DTNB: variants seen among roughly 807,000 people sequenced by gnomAD.
The protein encoded by DTNB is DTN-B.
DTNB carries 63 observed loss-of-function variants against 90.7 expected under a neutral mutation model. That is an observed-to-expected ratio of 0.69 (90% CI 0.57 to 0.86). DTNB has a LOEUF of 0.86. Among genes scored for constraint, DTNB ranks in the 40% least tolerant of loss-of-function variants. DTNB has a pLI of 0.00. For missense variants in DTNB, 744 were observed against 807.1 expected, an observed-to-expected ratio of 0.92 and a Z score of 0.95; for synonymous variants, 277 against 286.7, an observed-to-expected ratio of 0.97 and a Z score of 0.34.
intron 12 of DTNB, among the ~76,000 whole-genome samples, chr2:25,439,866 A>T (rs1258375850): frequency 6.6e-6 from 1 of 152,224 alleles, no homozygotes; most frequent in Non-Finnish European, 1.5e-5. Flanking sequence ...TGTATCTAAT[A>T]AACTTATTAT....
chr2:25,397,180 C>T lies in DTNB; in HGVS notation c.1576-8819G>A, dbSNP rs1205051810. ...ATCTGAACCCAAATGTTCATAGCAG[C>T]GTTATTCGACATAGCCAAAAAGTAA... On this transcript the variant is annotated intron_variant, in intron 16 of 20. Coordinates refer to ENST00000406818, the MANE Select transcript of DTNB (RefSeq NM_021907.5). 3.3e-5 allele frequency among the ~76,000 whole-genome samples: 5 copies of T among 151,852 alleles called. No individual in the cohort carries two copies. The East Asian group carries it at 7.7e-4, about 23-fold the overall frequency.
chr2:25,599,940 T>TC (rs2065500068), intron 5 of DTNB, among the ~76,000 whole-genome samples: 1 of 151,064 alleles, frequency 6.6e-6, no homozygotes, highest in Non-Finnish European at 1.5e-5. Flanking sequence ...CTACAAAAAA[T>TC]AAAAAAAATT....
intron 6 of DTNB, among the ~76,000 whole-genome samples, chr2:25,584,385 T>A (rs1044207223): frequency 2.0e-5 from 3 of 152,182 alleles, no homozygotes; most frequent in African/African-American, 7.2e-5. Context: ...TGGGAATCCA[T>A]GTGTCTTCTA....
At chr2:25,444,534 CAAAAA>C (rs5829977) in intron 12 of DTNB, among the ~76,000 whole-genome samples, 5 of 116,352 alleles carry the variant, frequency 4.3e-5, no homozygotes, top group African/African-American at 6.3e-5. Flanking sequence ...GACTCCATCT[CAAAAA>C]AAAAAAAAAA....
chr2:25,540,865 C>G (rs1032454382), intron 8 of DTNB, among the ~76,000 whole-genome samples: 4 of 151,884 alleles, frequency 2.6e-5, no homozygotes, highest in Admixed American at 6.6e-5. Flanking sequence ...AGAGTCATCA[C>G]CACTCCCTAA....
chr2:25,663,133 A>C (rs1052364227), intron 1 of DTNB, among the ~76,000 whole-genome samples: 4 of 151,098 alleles, frequency 2.6e-5, no homozygotes, highest in African/African-American at 7.3e-5. Context: ...TCACTGTTCA[A>C]CTCCCACTTA....
chr2:25,565,343 C>T (rs374280773), intron 8 of DTNB, among the ~76,000 whole-genome samples: 1 of 152,094 alleles, frequency 6.6e-6, no homozygotes, highest in Non-Finnish European at 1.5e-5. Context: ...CTCAAGTGAT[C>T]CTCCCACCTC....
At chr2:25,559,459 A>T (rs1388629057) in intron 8 of DTNB, among the ~76,000 whole-genome samples, 1 of 152,204 alleles carries the variant, frequency 6.6e-6, no homozygotes, top group Non-Finnish European at 1.5e-5. Context: ...CCACTCTCAG[A>T]TCATTTTCCC....
chr2:25,555,150 G>A (rs1377909766), intron 8 of DTNB, among the ~76,000 whole-genome samples: 1 of 151,978 alleles, frequency 6.6e-6, no homozygotes, highest in Non-Finnish European at 1.5e-5. Flanking sequence ...AATTAGCTGG[G>A]TGTGGTGGCG....
rs573162681 is a variant in DTNB, at chr2:25,417,803, G to T, written c.1575+1712C>A. ...AAGGGGATGAGACCATCAGGAGCTG[G>T]AAGGATAAGTAGTCTCCTTCCTCTC... is the stretch of plus-strand genomic sequence containing the variant. On this transcript the variant is annotated intron_variant, in intron 16 of 20. Coordinates refer to ENST00000406818, the MANE Select transcript of DTNB (RefSeq NM_021907.5). Among the ~76,000 whole-genome samples, 16 of 152,306 alleles carry T rather than the reference G, an allele frequency of 1.1e-4. No individual in the cohort carries two copies. The South Asian group carries it at 3.3e-3, about 32-fold the overall frequency.
chr2:25,636,383 T>TA lies in DTNB; in HGVS notation c.148+2630dup, dbSNP rs529369337. On this transcript the variant is annotated intron_variant, in intron 3 of 20. Transcript: ENST00000406818. Reference sequence around the variant, plus strand: ...GAATCCTACGTGAAAGGTAACAAAATAAAACCTTTAGAACAATGCATCTTT... The same window carrying TA: ...GAATCCTACGTGAAAGGTAACAAAATAAAAACCTTTAGAACAATGCATCTTT... 1.2e-4 allele frequency among the ~76,000 whole-genome samples: 18 copies of TA among 152,290 alleles called. No individual in the cohort carries two copies. The South Asian group carries it at 3.5e-3, about 30-fold the overall frequency.
intron 8 of DTNB, among the ~76,000 whole-genome samples, chr2:25,567,773 C>G (rs2059252808): frequency 1.3e-5 from 2 of 152,178 alleles, no homozygotes; most frequent in Non-Finnish European, 2.9e-5. Flanking sequence ...GGAATCAGAT[C>G]TATCTTGGTA....
At chr2:25,665,804 A>G (rs1271967300) in intron 1 of DTNB, among the ~76,000 whole-genome samples, 1 of 151,354 alleles carries the variant, frequency 6.6e-6, no homozygotes, top group Non-Finnish European at 1.5e-5. Flanking sequence ...GCCAGGGAAA[A>G]TAAATGTTCA....
At chr2:25,644,598 C>A (rs1398237415) in intron 2 of DTNB, among the ~76,000 whole-genome samples, 1 of 151,978 alleles carries the variant, frequency 6.6e-6, no homozygotes, top group African/African-American at 2.4e-5. Flanking sequence ...ACTAAAAATA[C>A]AAAAATTAGC....
chr2:25,575,259 G>A (rs1445088591), intron 8 of DTNB, among the ~76,000 whole-genome samples: 2 of 150,468 alleles, frequency 1.3e-5, no homozygotes, highest in African/African-American at 4.9e-5. Flanking sequence ...AAAAAAACCA[G>A]TGGAAAAAAC....
chr2:25,624,625 A>C (rs2073697524), intron 4 of DTNB, among the ~76,000 whole-genome samples: 1 of 152,216 alleles, frequency 6.6e-6, no homozygotes, highest in Non-Finnish European at 1.5e-5. Flanking sequence ...TTTACAGCTA[A>C]AGACACTGGA....
At chr2:25,595,668 A>G (rs2148399874) in intron 6 of DTNB, among the ~76,000 whole-genome samples, 1 of 152,162 alleles carries the variant, frequency 6.6e-6, no homozygotes, top group Non-Finnish European at 1.5e-5. Context: ...CCCTTGAGGG[A>G]TTTTATGCTG....
chr2:25,404,485 C>T (rs2044541672), intron 16 of DTNB, among the ~76,000 whole-genome samples: 2 of 152,076 alleles, frequency 1.3e-5, no homozygotes, highest in Non-Finnish European at 2.9e-5. Context: ...CAGGGAAGAC[C>T]TGTAGCAGGA....
intron 19 of DTNB, among the ~76,000 whole-genome samples, chr2:25,381,787 T>C (rs1008498032): frequency 6.6e-6 from 1 of 152,262 alleles, no homozygotes; most frequent in Admixed American, 6.5e-5. Flanking sequence ...TTTCAGAATC[T>C]GCAGAATCTT....
Sources: allele counts gnomAD v4.1 joint callset (sites outside exome capture counted in the v4.1 genomes callset), GRCh38; gene constraint gnomAD v4.1.1; transcripts MANE v1.5; gene names NCBI Gene and HGNC (gene_info 2026-07-23, HGNC 2026-07-21).